RERG: variants seen among roughly 807,000 people sequenced by gnomAD.
RERG encodes ras-related and estrogen-regulated growth inhibitor.
A neutral mutation model predicts 23.2 loss-of-function variants in RERG; 25 were observed. The ratio of observed to expected loss-of-function variants is 1.08; its 90% CI spans 0.79 to 1.50. The LOEUF (loss-of-function observed/expected upper bound fraction) is 1.50. RERG is among the 40% of genes most tolerant of loss of function. The pLI is 0.00. For missense variants in RERG, 253 were observed against 250.1 expected, an observed-to-expected ratio of 1.01 and a Z score of -0.08; for synonymous variants, 81 against 89.1, an observed-to-expected ratio of 0.91 and a Z score of 0.51.
chr12:15,200,316 A>G (rs1865198502), intron 2 of RERG, among the ~76,000 whole-genome samples: 1 of 152,068 alleles, frequency 6.6e-6, no homozygotes, highest in South Asian at 2.1e-4. Flanking sequence ...AGAAAACTGT[A>G]TGGTAAAGTT....
At chr12:15,129,130 G>A (rs1252346984) in intron 2 of RERG, among the ~76,000 whole-genome samples, 1 of 152,192 alleles carries the variant, frequency 6.6e-6, no homozygotes, top group Non-Finnish European at 1.5e-5. Flanking sequence ...TTGAAGCTTC[G>A]CTTTCACAGC....
At chr12:15,125,213 C>A (rs1281006186) in intron 2 of RERG, among the ~76,000 whole-genome samples, 3 of 151,782 alleles carry the variant, frequency 2.0e-5, no homozygotes, top group Non-Finnish European at 2.9e-5. Flanking sequence ...TTGTGAAAAA[C>A]AAAAATCTAT....
chr12:15,159,519 C>G (rs534211792), intron 2 of RERG, among the ~76,000 whole-genome samples: 94 of 152,218 alleles, frequency 6.2e-4, no homozygotes, highest in African/African-American at 1.9e-3. Flanking sequence ...TCTATTGATA[C>G]AATTTAAAAA....
At chr12:15,125,944 C>T (rs1304407186) in intron 2 of RERG, among the ~76,000 whole-genome samples, 1 of 151,256 alleles carries the variant, frequency 6.6e-6, no homozygotes, top group African/African-American at 2.4e-5. Flanking sequence ...GGTGAAGAAA[C>T]TGAAGCTCAA....
chr12:15,204,384 A>C (rs2136143277), intron 2 of RERG, among the ~76,000 whole-genome samples: 1 of 151,922 alleles, frequency 6.6e-6, no homozygotes, highest in African/African-American at 2.4e-5. Flanking sequence ...CAAAATAATG[A>C]AACTGGACCT....
At chr12:15,114,997 A>C (rs1591632575) in intron 3 of RERG, among the ~76,000 whole-genome samples, 1 of 152,160 alleles carries the variant, frequency 6.6e-6, no homozygotes, top group African/African-American at 2.4e-5. Flanking sequence ...GAGATTAGTT[A>C]AATGTGGCAT....
intron 2 of RERG, among the ~76,000 whole-genome samples, chr12:15,169,117 G>C (rs116301228): frequency 2.5e-3 from 378 of 152,272 alleles, no homozygotes; most frequent in African/African-American, 8.7e-3. Context: ...TGAATGATAA[G>C]TGCAAACTTA....
Position 15,186,546 on chromosome 12 carries a change from G to GGAGGAGAGGAA in RERG, c.61+30872_61+30882dup, listed in dbSNP as rs1483940480. Among the ~76,000 whole-genome samples the GGAGGAGAGGAA allele has an allele frequency of 4.2e-3, 634 of 152,144 alleles. 6 individuals are homozygous for GGAGGAGAGGAA. The highest frequency in any genetic ancestry group is 0.015 in the African/African-American group (611 of 41,520). On this transcript the variant is annotated intron_variant, in intron 2 of 4. Transcript: ENST00000256953. ...ACCAGGAAGAAAAGAAGAAGAGCAA[G>GGAGGAGAGGAA]GAGGAGAGGAAGAGAAGAGGAGGAG... is the stretch of plus-strand genomic sequence containing the variant.
At chr12:15,133,472 T>C (rs141597749) in intron 2 of RERG, among the ~76,000 whole-genome samples, 130 of 152,242 alleles carry the variant, frequency 8.5e-4, no homozygotes, top group African/African-American at 2.6e-3. Context: ...TGTACCACAG[T>C]TTGTTTATCC....
chr12:15,141,070 C>T (rs1198485981), intron 2 of RERG, among the ~76,000 whole-genome samples: 2 of 151,742 alleles, frequency 1.3e-5, no homozygotes, highest in Non-Finnish European at 2.9e-5. Context: ...TCTTAGATAC[C>T]CAGTGTGGAG....
chr12:15,212,856 T>TG (rs1865387698), intron 2 of RERG, among the ~76,000 whole-genome samples: 2 of 152,204 alleles, frequency 1.3e-5, no homozygotes, highest in African/African-American at 4.8e-5. Flanking sequence ...GAATAGTCCC[T>TG]GTCCCACTTA....
chr12:15,208,295 C>T (rs1865320317), intron 2 of RERG, among the ~76,000 whole-genome samples: 1 of 151,986 alleles, frequency 6.6e-6, no homozygotes, highest in African/African-American at 2.4e-5. Flanking sequence ...CCTGGGGAAC[C>T]CTGACTAATA....
At chr12:15,158,265 C>G (rs1441042380) in intron 2 of RERG, among the ~76,000 whole-genome samples, 2 of 151,822 alleles carry the variant, frequency 1.3e-5, no homozygotes, top group East Asian at 1.9e-4. Flanking sequence ...TAAATTGGAA[C>G]AGTTCCTCAG....
At chr12:15,196,871 T>A (rs1865152208) in intron 2 of RERG, among the ~76,000 whole-genome samples, 1 of 152,100 alleles carries the variant, frequency 6.6e-6, no homozygotes, top group Non-Finnish European at 1.5e-5. Context: ...AACGAAACAG[T>A]CGTAGGTGAG....
At chr12:15,129,276 G>A (rs1864001443) in intron 2 of RERG, among the ~76,000 whole-genome samples, 1 of 137,632 alleles carries the variant, frequency 7.3e-6, no homozygotes, top group Non-Finnish European at 1.6e-5. Context: ...GAAATAAGAT[G>A]TCAAAAAAAA....
intron 2 of RERG, among the ~76,000 whole-genome samples, chr12:15,142,062 G>A (rs915546094): frequency 5.3e-5 from 8 of 152,008 alleles, no homozygotes; most frequent in Admixed American, 1.3e-4. Flanking sequence ...ACTCATATTC[G>A]CTTAACTTTA....
rs942681743 is a variant in RERG at position 15,200,887 on chromosome 12, C to T, written c.61+16542G>A. Among the ~76,000 whole-genome samples, 28 of 151,852 alleles carry T rather than the reference C, an allele frequency of 1.8e-4. 1 individual carries two copies. The highest frequency in any genetic ancestry group is 1.5e-5 in the Non-Finnish European group (1 of 67,864). ...CCCTTTCCACTGAGGATATTTGACA[C>T]GCTTCGCATTTTTTACATATTAAAT... On this transcript the variant is annotated intron_variant, in intron 2 of 4. Transcript: ENST00000256953.
chr12:15,126,673 T>C (rs184225547), intron 2 of RERG, among the ~76,000 whole-genome samples: 3 of 151,844 alleles, frequency 2.0e-5, no homozygotes, highest in East Asian at 1.9e-4. Context: ...GAAACACATA[T>C]TTAAAATGTA....
intron 2 of RERG, among the ~76,000 whole-genome samples, chr12:15,198,829 G>A (rs1278262021): frequency 2.6e-5 from 4 of 152,170 alleles, no homozygotes; most frequent in East Asian, 3.9e-4. Flanking sequence ...CATCTCCCCC[G>A]ACTTCAGCCT....
Sources: allele counts gnomAD v4.1 joint callset (sites outside exome capture counted in the v4.1 genomes callset), GRCh38; gene constraint gnomAD v4.1.1; transcripts MANE v1.5; gene names NCBI Gene and HGNC (gene_info 2026-07-23, HGNC 2026-07-21).